PPFIA2: variants seen among roughly 807,000 people sequenced by gnomAD.
The protein encoded by PPFIA2 is PPFI scaffold protein A2.
PPFIA2 carries 46 observed loss-of-function variants against 175.5 expected under a neutral mutation model. The observed-to-expected ratio is 0.26, with a 90% CI of 0.21 to 0.34. PPFIA2 has a LOEUF of 0.34. Ranked by LOEUF, PPFIA2 falls within the 10% of genes least tolerant of loss-of-function variation. PPFIA2 has a pLI of 1.00. For missense variants in PPFIA2, 1,179 were observed against 1,506.1 expected, an observed-to-expected ratio of 0.78 and a Z score of 3.60; for synonymous variants, 568 against 511.4, an observed-to-expected ratio of 1.11 and a Z score of -1.49.
In PPFIA2 at chr12:81,404,408, A is replaced by G. The variant is rs1333843491; in HGVS notation, c.762+1379T>C. Among the ~76,000 whole-genome samples, 4 of 152,302 alleles carry G rather than the reference A, an allele frequency of 2.6e-5. No individual in the cohort carries two copies. The South Asian group carries it at 6.2e-4, about 24-fold the overall frequency. ...TGAGGAGAGGTATACTACTAATGACATAATTAAAATGAAAGAGCAATATCA... is the reference window on the plus strand; with the variant it reads ...TGAGGAGAGGTATACTACTAATGACGTAATTAAAATGAAAGAGCAATATCA... On this transcript the variant is annotated intron_variant, in intron 8 of 32. Coordinates refer to ENST00000549396, the MANE Select transcript of PPFIA2 (RefSeq NM_003625.5).
At chr12:81,324,315 T>C (rs985737378) in intron 22 of PPFIA2, among the ~76,000 whole-genome samples, 5 of 152,042 alleles carry the variant, frequency 3.3e-5, no homozygotes, top group Non-Finnish European at 5.9e-5. Context: ...AGTAGCTATT[T>C]AAAAAGATAT....
intron 3 of PPFIA2, among the ~76,000 whole-genome samples, chr12:81,716,318 T>C (rs1054513561): frequency 6.6e-6 from 1 of 151,822 alleles, no homozygotes; most frequent in Non-Finnish European, 1.5e-5. Context: ...GGATGAGTTG[T>C]AGTTTGTGTT....
intron 4 of PPFIA2, among the ~76,000 whole-genome samples, chr12:81,513,261 C>T (rs1022139473): frequency 6.6e-6 from 1 of 151,878 alleles, no homozygotes; most frequent in Non-Finnish European, 1.5e-5. Context: ...TATATGTTGG[C>T]ATGGATGTGG....
intron 9 of PPFIA2, among the ~76,000 whole-genome samples, chr12:81,376,704 C>G (rs1342303728): frequency 1.3e-5 from 2 of 152,096 alleles, no homozygotes; most frequent in Non-Finnish European, 2.9e-5. Context: ...ACTTTATTGA[C>G]AAGATGTTGG....
intron 4 of PPFIA2, among the ~76,000 whole-genome samples, chr12:81,495,889 T>C (rs1214480767): frequency 6.6e-6 from 1 of 152,210 alleles, no homozygotes; most frequent in African/African-American, 2.4e-5. Context: ...TGAATTCTCA[T>C]AAATTATTAT....
At chr12:81,730,514 T>C (rs1291591565) in intron 3 of PPFIA2, among the ~76,000 whole-genome samples, 1 of 151,550 alleles carries the variant, frequency 6.6e-6, no homozygotes, top group East Asian at 1.9e-4. Context: ...AACTCTCTCA[T>C]TATGACAAGA....
intron 31 of PPFIA2, among the ~76,000 whole-genome samples, chr12:81,262,768 T>C (rs1204569752): frequency 6.6e-6 from 1 of 152,216 alleles, no homozygotes; most frequent in Non-Finnish European, 1.5e-5. Flanking sequence ...ATTTAAGGGC[T>C]TCTGCTTTGG....
intron 4 of PPFIA2, among the ~76,000 whole-genome samples, chr12:81,554,746 T>C (rs1450300222): frequency 6.6e-6 from 1 of 152,070 alleles, no homozygotes; most frequent in Non-Finnish European, 1.5e-5. Flanking sequence ...TTCTTGATCT[T>C]AGATCAGGTG....
intron 4 of PPFIA2, among the ~76,000 whole-genome samples, chr12:81,554,965 A>AT (rs911264452): frequency 6.6e-6 from 1 of 152,014 alleles, no homozygotes; most frequent in Non-Finnish European, 1.5e-5. Flanking sequence ...AAAGATAGAC[A>AT]TTTTTGGGGG....
intron 11 of PPFIA2, among the ~76,000 whole-genome samples, chr12:81,370,208 T>G (rs964938330): frequency 6.6e-6 from 1 of 151,820 alleles, no homozygotes; most frequent in Non-Finnish European, 1.5e-5. Flanking sequence ...AACCTTGCTC[T>G]GTAGAAAAAA....
intron 7 of PPFIA2, among the ~76,000 whole-genome samples, chr12:81,416,760 G>A (rs1011168257): frequency 5.3e-5 from 8 of 151,588 alleles, no homozygotes; most frequent in African/African-American, 1.7e-4. Context: ...TCAGCTAAGG[G>A]CATAAATGAC....
At chr12:81,739,008 C>T (rs550662201) in intron 3 of PPFIA2, among the ~76,000 whole-genome samples, 118 of 151,910 alleles carry the variant, frequency 7.8e-4, no homozygotes, top group Non-Finnish European at 1.4e-3. Flanking sequence ...TGGGTCACTT[C>T]ATGATGATAA....
chr12:81,744,083 G>A (rs1187258611), intron 3 of PPFIA2, among the ~76,000 whole-genome samples: 1 of 152,106 alleles, frequency 6.6e-6, no homozygotes, highest in East Asian at 1.9e-4. Context: ...TCTTTTGTAT[G>A]TATGTAAATA....
intron 21 of PPFIA2, among the ~76,000 whole-genome samples, chr12:81,329,655 T>C (rs776273349): frequency 1.3e-5 from 2 of 152,134 alleles, no homozygotes; most frequent in East Asian, 1.9e-4. Context: ...GATGACTCCA[T>C]AGATGCGACT....
At chr12:81,713,741 T>TA (rs1405057018) in intron 3 of PPFIA2, among the ~76,000 whole-genome samples, 1 of 151,272 alleles carries the variant, frequency 6.6e-6, no homozygotes, top group Non-Finnish European at 1.5e-5. Context: ...TATTGCTGTC[T>TA]AATTTTACTC....
chr12:81,423,863 T>A (rs2143992456), intron 7 of PPFIA2, among the ~76,000 whole-genome samples: 1 of 152,238 alleles, frequency 6.6e-6, no homozygotes, highest in Admixed American at 6.5e-5. Context: ...CTGTTATAAC[T>A]AATATCTATT....
chr12:81,533,342 T>C (rs1184574806), intron 4 of PPFIA2, among the ~76,000 whole-genome samples: 2 of 151,844 alleles, frequency 1.3e-5, no homozygotes, highest in East Asian at 3.9e-4. Flanking sequence ...GTATAATTTA[T>C]CAAATTTATG....
chr12:81,752,738 T>C (rs1951226604), intron 3 of PPFIA2, among the ~76,000 whole-genome samples: 1 of 152,150 alleles, frequency 6.6e-6, no homozygotes, highest in South Asian at 2.1e-4. Flanking sequence ...GTTTTCAATA[T>C]TTATAAAGAT....
chr12:81,628,665 C>T lies in PPFIA2; in HGVS notation c.303+48126G>A, dbSNP rs377677283. 1.8e-4 allele frequency among the ~76,000 whole-genome samples: 27 copies of T among 152,174 alleles called. No homozygotes were observed. In the East Asian group the frequency reaches 1.9e-3, roughly 11 times the overall value. On this transcript the variant is annotated intron_variant, in intron 4 of 32. Transcript: ENST00000549396. ...AAGTGCTGGGATTACAGGTGTGAGA[C>T]ACCACGTCCAGTCATAACATCTACT...
Sources: gnomAD v4.1 joint callset for allele counts (sites outside exome capture counted in the v4.1 genomes callset) on GRCh38, gnomAD v4.1.1 for gene constraint, MANE v1.5 for transcripts, NCBI Gene and HGNC (gene_info 2026-07-23, HGNC 2026-07-21) for gene names.